TNKS: variants seen among roughly 807,000 people sequenced by gnomAD.
The protein encoded by TNKS is tankyrase.
A neutral mutation model predicts 135.8 loss-of-function variants in TNKS; 72 were observed. The ratio of observed to expected loss-of-function variants is 0.53; its 90% CI spans 0.44 to 0.64. TNKS has a LOEUF of 0.64. Among genes scored for constraint, TNKS ranks in the 30% least tolerant of loss-of-function variants. The pLI, the probability that TNKS is intolerant of heterozygous loss-of-function variation, is 0.00. For missense variants in TNKS, 1,769 were observed against 1,674.0 expected (o/e 1.06, Z -0.99); for synonymous variants, 849 against 649.3 (o/e 1.31, Z -4.68).
chr8:9,556,088 C>G lies in TNKS; in HGVS notation c.149C>G (p.Ala50Gly), dbSNP rs769233412. ...APGTTPASPT[A>G]SGLAPFASPR... ...GGGACCACCCCAGCCTCTCCCACGGCCAGCGGCCTGGCCCCCTTCGCCTCC... is the reference window on the plus strand; with the variant it reads ...GGGACCACCCCAGCCTCTCCCACGGGCAGCGGCCTGGCCCCCTTCGCCTCC... The change falls in exon 1 of 27, where the codon GCC becomes GGC. Residue 50 changes from alanine to glycine, a missense_variant. Physicochemically the swap from Ala to Gly is moderately conservative, Grantham distance 60. Transcript: ENST00000310430. 1 of 1,603,522 alleles carries G rather than the reference C, an allele frequency of 6.2e-7. No individual in the cohort carries two copies. Among genetic ancestry groups the G allele is most frequent in the Non-Finnish European group, 8.5e-7 (1 of 1,175,842 alleles).
At chr8:9,615,476 A>T in intron 2 of TNKS, 106 bp from the exon 3 acceptor site, 1 of 786,686 alleles carries the variant, frequency 1.3e-6, no homozygotes, top group Non-Finnish European at 1.9e-6. Flanking sequence ...AAGAGAAAAA[A>T]TTTGTGCAAT....
chr8:9,643,105 A>G (rs1202147581), intron 3 of TNKS, among the ~76,000 whole-genome samples: 2 of 146,326 alleles, frequency 1.4e-5, no homozygotes, highest in African/African-American at 5.1e-5. Flanking sequence ...TGAGAAGTCC[A>G]TTTTTATTAA....
At chr8:9,612,732 T>C (rs1428656817) in intron 2 of TNKS, among the ~76,000 whole-genome samples, 1 of 152,134 alleles carries the variant, frequency 6.6e-6, no homozygotes, top group Non-Finnish European at 1.5e-5. Flanking sequence ...CCTTGAACAA[T>C]GCAGGGGTTA....
intron 2 of TNKS, among the ~76,000 whole-genome samples, chr8:9,606,336 C>T (rs1356757059): frequency 6.6e-6 from 1 of 151,952 alleles, no homozygotes; most frequent in East Asian, 1.9e-4. Context: ...GTCTGAATAA[C>T]ATAGTTTTTC....
intron 3 of TNKS, among the ~76,000 whole-genome samples, chr8:9,618,472 A>G (rs891072446): frequency 6.6e-6 from 1 of 152,216 alleles, no homozygotes; most frequent in Non-Finnish European, 1.5e-5. Flanking sequence ...AGTGAATGGT[A>G]GACTTAGAAG....
In TNKS at chr8:9,556,728, A is replaced by G. The variant is rs1013380361; in HGVS notation, c.673+116A>G. 55 of 1,166,086 alleles carry G rather than the reference A, an allele frequency of 4.7e-5. No individual in the cohort carries two copies. In the African/African-American group the frequency reaches 7.9e-4, roughly 17 times the overall value. The allele number at this position is 1,166,086 out of a possible 1,614,324, so 72.2% of individuals were successfully genotyped here. ...AGTGGGGGCGTGGTTATGGTTCTTC[A>G]TCACCTCACCAGAAGACTGGAGGTT... On this transcript the variant is annotated intron_variant, in intron 1 of 26. Coordinates refer to ENST00000310430, the MANE Select transcript of TNKS (RefSeq NM_003747.3).
rs757470204 is a variant in TNKS, at chr8:9,770,123, G to C, written c.3758G>C (p.Arg1253Thr). The change falls in exon 26 of 27, where the codon AGA becomes ACA. Residue 1253 changes from arginine to threonine, a missense_variant. Arg to Thr is a moderately conservative substitution (Grantham distance 71, BLOSUM62 -1). Around this residue, in one of 5 missense-constraint regions of TNKS, gnomAD observed 722 missense variants for 688.9 expected, o/e 1.05. Coordinates refer to ENST00000310430, the MANE Select transcript of TNKS (RefSeq NM_003747.3). ...TTCCTTAGACAAATGCTCTTCTGTA[G>C]AGTGACCCTTGGGAAATCCTTTCTG... ...YICHRQMLFC[R>T]VTLGKSFLQF... 3 of 1,612,782 alleles carry C rather than the reference G, an allele frequency of 1.9e-6. No homozygotes were observed. Among genetic ancestry groups the C allele is most frequent in the Middle Eastern group, 1.7e-4 (1 of 6,060 alleles).
intron 2 of TNKS, among the ~76,000 whole-genome samples, chr8:9,584,223 C>A (rs1421300041): frequency 3.4e-5 from 5 of 145,938 alleles, no homozygotes; most frequent in Non-Finnish European, 7.5e-5. Context: ...TGATTTTTTT[C>A]ATTTTGACTA....
At chr8:9,639,232 G>A (rs1036618642) in intron 3 of TNKS, among the ~76,000 whole-genome samples, 13 of 151,978 alleles carry the variant, frequency 8.6e-5, no homozygotes, top group Non-Finnish European at 1.6e-4. Context: ...AGGAAAACTC[G>A]TTTATTTTTT....
In TNKS at chr8:9,594,874, T is replaced by C. The variant is rs138486951; in HGVS notation, c.898+14491T>C. ...TAAGGACCAAAGAAGTTTTAGCTAC[T>C]GGAGAACTTCACTGGACCTCTTGAT... is the stretch of plus-strand genomic sequence containing the variant. On this transcript the variant is annotated intron_variant, in intron 2 of 26. Coordinates refer to ENST00000310430, the MANE Select transcript of TNKS (RefSeq NM_003747.3). Among the ~76,000 whole-genome samples the C allele has an allele frequency of 3.9e-5, 6 of 152,334 alleles. No individual in the cohort carries two copies. In the East Asian group the frequency reaches 1.2e-3, roughly 29 times the overall value.
At chr8:9,646,732 A>G (rs1343398306) in intron 3 of TNKS, among the ~76,000 whole-genome samples, 2 of 152,156 alleles carry the variant, frequency 1.3e-5, no homozygotes, top group Non-Finnish European at 2.9e-5. Context: ...ATTCATGCTT[A>G]CATAGGTTTT....
Position 9,695,276 on chromosome 8 carries a change from G to C in TNKS, c.1108-9387G>C, listed in dbSNP as rs184994141. ...TAATTCTAATATTAATCCTTAGGAA[G>C]ATTTTACCTTCCATCATTGTTTGGA... On this transcript the variant is annotated intron_variant, in intron 5 of 26. Coordinates refer to ENST00000310430, the MANE Select transcript of TNKS (RefSeq NM_003747.3). Among the ~76,000 whole-genome samples the C allele has an allele frequency of 1.1e-4, 16 of 152,262 alleles. No homozygotes were observed. The East Asian group carries it at 3.1e-3, about 29-fold the overall frequency.
chr8:9,609,140 G>A lies in TNKS; in HGVS notation c.899-6442G>A, dbSNP rs983552711. Among the ~76,000 whole-genome samples the A allele has an allele frequency of 2.0e-5, 3 of 151,886 alleles. No individual in the cohort carries two copies. The East Asian group carries it at 5.8e-4, about 29-fold the overall frequency. The stretch of plus-strand genomic sequence containing the variant: ...TATTTTATTAAACACAATAAGCATG[G>A]TTCTTTTTGTAATACATGTCTTGTA... On this transcript the variant is annotated intron_variant, in intron 2 of 26. Transcript: ENST00000310430.
At chr8:9,572,748 C>G (rs1373338453) in intron 1 of TNKS, among the ~76,000 whole-genome samples, 2 of 152,304 alleles carry the variant, frequency 1.3e-5, no homozygotes, top group East Asian at 3.9e-4. Flanking sequence ...ATACAGGTGT[C>G]ATTCGATTTT....
intron 3 of TNKS, among the ~76,000 whole-genome samples, chr8:9,664,994 T>C (rs1395846377): frequency 6.6e-6 from 1 of 152,258 alleles, no homozygotes; most frequent in Non-Finnish European, 1.5e-5. Flanking sequence ...TAACTTCTTT[T>C]TGGAACTACA....
chr8:9,582,930 G>A (rs1253482000), intron 2 of TNKS, among the ~76,000 whole-genome samples: 1 of 152,038 alleles, frequency 6.6e-6, no homozygotes, highest in African/African-American at 2.4e-5. Context: ...ACTTTGGGAG[G>A]CTGAGATGGG....
At chr8:9,681,580 T>C (rs924687924) in intron 5 of TNKS, among the ~76,000 whole-genome samples, 8 of 152,076 alleles carry the variant, frequency 5.3e-5, no homozygotes, top group Non-Finnish European at 8.8e-5. Flanking sequence ...TAATGTTAAC[T>C]AAAAACCTAA....
intron 9 of TNKS, among the ~76,000 whole-genome samples, chr8:9,708,875 G>A (rs1361869447): frequency 1.3e-5 from 2 of 151,640 alleles, no homozygotes; most frequent in Non-Finnish European, 1.5e-5. Context: ...TTAGATATTT[G>A]CATTATCTTT....
intron 14 of TNKS, among the ~76,000 whole-genome samples, chr8:9,731,578 A>G (rs1805443795): frequency 1.3e-5 from 2 of 151,538 alleles, no homozygotes; most frequent in Admixed American, 6.6e-5. Flanking sequence ...ATTCCTCCAG[A>G]TATTGTAAAT....
Sources: gnomAD v4.1 joint callset for allele counts (sites outside exome capture counted in the v4.1 genomes callset) on GRCh38, gnomAD v4.1.1 for gene constraint, gnomAD v4.1.1 regional missense constraint, MANE v1.5 for transcripts, NCBI Gene and HGNC (gene_info 2026-07-23, HGNC 2026-07-21) for gene names.